MALRD1: variants seen among roughly 807,000 people sequenced by gnomAD.
The protein encoded by MALRD1 is MAM and LDL receptor class A domain containing 1.
MALRD1 carries 247 observed loss-of-function variants against 242.1 expected under a neutral mutation model. The ratio of observed to expected loss-of-function variants is 1.02; its 90% CI spans 0.92 to 1.13. MALRD1 has a LOEUF of 1.13. Among genes scored for constraint, MALRD1 ranks in the 50% most tolerant of loss-of-function variants. MALRD1 has a pLI of 0.00. For missense variants in MALRD1, 2,989 were observed against 2,533.1 expected (o/e 1.18, Z -3.86); for synonymous variants, 995 against 866.6 (o/e 1.15, Z -2.60).
chr10:19,727,590 G>A (rs1407982910), intron 38 of MALRD1, among the ~76,000 whole-genome samples: 2 of 152,168 alleles, frequency 1.3e-5, no homozygotes, highest in African/African-American at 2.4e-5. Flanking sequence ...TATGATCCAT[G>A]CAACTTCCTT....
chr10:19,683,979 C>T (rs1842475393), intron 36 of MALRD1, among the ~76,000 whole-genome samples: 1 of 152,048 alleles, frequency 6.6e-6, no homozygotes, highest in Non-Finnish European at 1.5e-5. Flanking sequence ...CTCCCTGTGT[C>T]CATGTGTTCT....
intron 32 of MALRD1, among the ~76,000 whole-genome samples, chr10:19,563,203 TAGG>T: frequency 6.6e-6 from 1 of 152,160 alleles, no homozygotes; most frequent in East Asian, 1.9e-4. Flanking sequence ...ATACATCACT[TAGG>T]AGACATGACA....
chr10:19,325,530 T>C (rs1322806610), intron 22 of MALRD1, among the ~76,000 whole-genome samples: 2 of 152,030 alleles, frequency 1.3e-5, no homozygotes, highest in African/African-American at 2.4e-5. Context: ...TGGAGAATAA[T>C]GCATAAAGTT....
chr10:19,146,472 A>C (rs565747483), intron 11 of MALRD1, 128 bp downstream of exon 11: 1 of 766,784 alleles, frequency 1.3e-6, no homozygotes, highest in African/African-American at 1.8e-5. Flanking sequence ...TTGCTTTAAA[A>C]CCTCCTGACC....
chr10:19,125,348 T>C lies in MALRD1; in HGVS notation c.943+678T>C, dbSNP rs1036799738. ...TTCTTTCTTTCTTTCTTTCTTTCTTTCTTTCTTTCTTTCTTTCTTTCTTTC... is the reference window on the plus strand; with the variant it reads ...TTCTTTCTTTCTTTCTTTCTTTCTTCCTTTCTTTCTTTCTTTCTTTCTTTC... On this transcript the variant is annotated intron_variant, in intron 7 of 39. Coordinates refer to ENST00000454679, the MANE Select transcript of MALRD1 (RefSeq NM_001142308.3). 8.2e-4 allele frequency among the ~76,000 whole-genome samples: 85 copies of C among 104,244 alleles called. 2 individuals are homozygous for C. The highest frequency in any genetic ancestry group is 3.0e-3 in the African/African-American group (76 of 25,316). 68.4% of individuals were successfully genotyped at this position (104,244 alleles called of 152,430 possible).
At chr10:19,472,780 C>A (rs919077318) in intron 29 of MALRD1, among the ~76,000 whole-genome samples, 2 of 150,814 alleles carry the variant, frequency 1.3e-5, no homozygotes, top group Non-Finnish European at 3.0e-5. Context: ...TGTTATCTGG[C>A]CTTTCTAAGT....
At chr10:19,146,627 A>C (rs1438313611) in intron 11 of MALRD1, among the ~76,000 whole-genome samples, 3 of 152,214 alleles carry the variant, frequency 2.0e-5, no homozygotes, top group Non-Finnish European at 4.4e-5. Flanking sequence ...AGTTGCCCAG[A>C]ATCAAGTACA....
intron 32 of MALRD1, among the ~76,000 whole-genome samples, chr10:19,534,716 A>G (rs1834576003): frequency 6.6e-6 from 1 of 152,166 alleles, no homozygotes; most frequent in South Asian, 2.1e-4. Flanking sequence ...ACAGATATTC[A>G]TTGCTAGCTG....
At chr10:19,395,032 G>A (rs1345832534) in intron 28 of MALRD1, among the ~76,000 whole-genome samples, 1 of 152,148 alleles carries the variant, frequency 6.6e-6, no homozygotes, top group Non-Finnish European at 1.5e-5. Flanking sequence ...GTGGATTTTG[G>A]AATGTAAATC....
At chr10:19,642,552 G>A (rs1406564777) in intron 36 of MALRD1, among the ~76,000 whole-genome samples, 4 of 152,208 alleles carry the variant, frequency 2.6e-5, no homozygotes, top group East Asian at 1.9e-4. Context: ...ATCACAGGGG[G>A]AAAAATATCA....
intron 26 of MALRD1, among the ~76,000 whole-genome samples, chr10:19,373,953 C>T (rs1221626922): frequency 1.3e-5 from 2 of 152,274 alleles, no homozygotes; most frequent in Admixed American, 1.3e-4. Context: ...TAGTGCAAAA[C>T]CAATAGAACT....
chr10:19,077,919 A>T (rs1427122986), intron 2 of MALRD1, among the ~76,000 whole-genome samples: 1 of 151,868 alleles, frequency 6.6e-6, no homozygotes, highest in Non-Finnish European at 1.5e-5. Context: ...TAAGTCGTGC[A>T]TTGTTTTCAT....
intron 34 of MALRD1, among the ~76,000 whole-genome samples, chr10:19,600,855 G>A (rs1262807635): frequency 6.6e-6 from 1 of 152,076 alleles, no homozygotes; most frequent in Non-Finnish European, 1.5e-5. Context: ...CCAATTTCTA[G>A]GATGATAGAT....
intron 12 of MALRD1, among the ~76,000 whole-genome samples, chr10:19,162,924 G>A (rs1200111841): frequency 6.6e-6 from 1 of 151,626 alleles, no homozygotes; most frequent in Non-Finnish European, 1.5e-5. Flanking sequence ...CTTGAGTCCA[G>A]GAGTTTAAGA....
chr10:19,503,463 A>G (rs1838064785), intron 31 of MALRD1, among the ~76,000 whole-genome samples: 2 of 152,196 alleles, frequency 1.3e-5, no homozygotes, highest in South Asian at 4.1e-4. Context: ...TTTTGGAGAC[A>G]TTGACGAAGT....
At chr10:19,355,056 T>A (rs1004781810) in intron 26 of MALRD1, among the ~76,000 whole-genome samples, 3 of 152,104 alleles carry the variant, frequency 2.0e-5, no homozygotes, top group Non-Finnish European at 4.4e-5. Context: ...GAGGGAAAGA[T>A]CCCTTCAGTT....
intron 36 of MALRD1, among the ~76,000 whole-genome samples, chr10:19,621,134 G>A (rs1249666094): frequency 6.6e-6 from 1 of 151,220 alleles, no homozygotes; most frequent in East Asian, 1.9e-4. Flanking sequence ...ATTCATACAA[G>A]GCCTTTGTTA....
intron 32 of MALRD1, among the ~76,000 whole-genome samples, chr10:19,543,433 C>CTT (rs71388849): frequency 0.013 from 1,379 of 106,418 alleles, 80 homozygotes; most frequent in East Asian, 0.044. Flanking sequence ...CAGCTGATTT[C>CTT]TTTTTTTTTT....
chr10:19,113,376 A>G (rs1470324739), intron 5 of MALRD1, among the ~76,000 whole-genome samples: 2 of 151,952 alleles, frequency 1.3e-5, no homozygotes, highest in Non-Finnish European at 2.9e-5. Flanking sequence ...AGTGTCCTCT[A>G]ATTCCTGGGT....
Sources: allele counts gnomAD v4.1 joint callset (sites outside exome capture counted in the v4.1 genomes callset), GRCh38; gene constraint gnomAD v4.1.1; transcripts MANE v1.5; gene names NCBI Gene and HGNC (gene_info 2026-07-23, HGNC 2026-07-21).